ATRNL1: variants seen among roughly 807,000 people sequenced by gnomAD.
The protein encoded by ATRNL1 is attractin-like protein 1.
In ATRNL1, 95 loss-of-function variants were observed where a neutral mutation model predicts 182.7. That is an observed-to-expected ratio of 0.52 (90% CI 0.44 to 0.62). The LOEUF (loss-of-function observed/expected upper bound fraction) is 0.62, where lower values mean the gene tolerates loss of function less well. Among genes scored for constraint, ATRNL1 ranks in the 20% least tolerant of loss-of-function variants. The probability of loss-of-function intolerance (pLI) is 0.00; values close to 1 mark genes in which losing one functional copy is unlikely to be tolerated. For missense variants in ATRNL1, 1,471 were observed against 1,679.5 expected (o/e 0.88, Z 2.17); for synonymous variants, 576 against 568.3 (o/e 1.01, Z -0.19).
chr10:115,143,534 A>T (rs1671858433), intron 5 of ATRNL1, among the ~76,000 whole-genome samples: 1 of 152,160 alleles, frequency 6.6e-6, no homozygotes, highest in Admixed American at 6.5e-5. Flanking sequence ...TAGGTCGCTT[A>T]AACAATTGGC....
At chr10:115,531,033 G>C (rs1297885569) in intron 25 of ATRNL1, among the ~76,000 whole-genome samples, 2 of 152,046 alleles carry the variant, frequency 1.3e-5, no homozygotes, top group African/African-American at 4.8e-5. Flanking sequence ...GTCATTATTG[G>C]ACATTTGGGT....
chr10:115,460,055 T>A (rs1460399924), intron 21 of ATRNL1, among the ~76,000 whole-genome samples: 2 of 152,146 alleles, frequency 1.3e-5, no homozygotes, highest in Non-Finnish European at 2.9e-5. Context: ...AGCACTAAAT[T>A]CTGGGTTTCT....
intron 26 of ATRNL1, among the ~76,000 whole-genome samples, chr10:115,559,185 A>C (rs1264595247): frequency 2.0e-5 from 3 of 152,226 alleles, no homozygotes; most frequent in Admixed American, 6.5e-5. Flanking sequence ...CACTGTCCCC[A>C]TCATTAGCTC....
chr10:115,153,267 G>T (rs1420390273), intron 5 of ATRNL1, among the ~76,000 whole-genome samples: 1 of 152,066 alleles, frequency 6.6e-6, no homozygotes, highest in Non-Finnish European at 1.5e-5. Context: ...TTTTTCTATT[G>T]GTTGGAATAG....
chr10:115,442,408 C>A (rs1383685531), intron 21 of ATRNL1, among the ~76,000 whole-genome samples: 1 of 151,670 alleles, frequency 6.6e-6, no homozygotes, highest in Non-Finnish European at 1.5e-5. Context: ...TTTCATTTAT[C>A]ATTTCAGATG....
chr10:115,776,750 C>T (rs1949136953), intron 27 of ATRNL1, among the ~76,000 whole-genome samples: 1 of 152,102 alleles, frequency 6.6e-6, no homozygotes, highest in African/African-American at 2.4e-5. Flanking sequence ...GTTATCTTGG[C>T]AAAGATCTTG....
chr10:115,345,974 T>C (rs1855957283), intron 19 of ATRNL1, among the ~76,000 whole-genome samples: 1 of 152,224 alleles, frequency 6.6e-6, no homozygotes, highest in Non-Finnish European at 1.5e-5. Flanking sequence ...GATTTCCATT[T>C]CCTTAATGAT....
At chr10:115,410,024 CATTT>C (rs1432104141) in intron 20 of ATRNL1, among the ~76,000 whole-genome samples, 2 of 152,066 alleles carry the variant, frequency 1.3e-5, no homozygotes, top group African/African-American at 2.4e-5. Flanking sequence ...TGATGTGTCA[CATTT>C]ATTGATTTGC....
In ATRNL1 at chr10:115,367,685, A is replaced by G. The variant is rs372227873; in HGVS notation, c.3176-26974A>G. On this transcript the variant is annotated intron_variant, in intron 19 of 28. Transcript: ENST00000355044. Reference sequence around the variant, plus strand: ...TTGGTCGTCGATGATGGTGATGTACATATGGGTTTTTGGTGTGGATGTCCT... The same window carrying G: ...TTGGTCGTCGATGATGGTGATGTACGTATGGGTTTTTGGTGTGGATGTCCT... 9.5e-4 allele frequency among the ~76,000 whole-genome samples: 121 copies of G among 127,438 alleles called. 10 individuals are homozygous for G. In the South Asian group the frequency reaches 0.029, roughly 31 times the overall value. The allele number at this position is 127,438 out of a possible 152,430, so 83.6% of individuals were successfully genotyped here.
chr10:115,899,333 A>G (rs967306120), intron 28 of ATRNL1, among the ~76,000 whole-genome samples: 2 of 151,890 alleles, frequency 1.3e-5, no homozygotes, highest in African/African-American at 2.4e-5. Flanking sequence ...TTTGAGACGG[A>G]GTTTCGCTCT....
At chr10:115,789,194 G>A (rs963814525) in intron 27 of ATRNL1, among the ~76,000 whole-genome samples, 4 of 152,194 alleles carry the variant, frequency 2.6e-5, no homozygotes, top group Admixed American at 6.5e-5. Context: ...GCCCAATTAA[G>A]CCTCTGATTG....
chr10:115,521,907 T>C (rs1294378428), intron 25 of ATRNL1, among the ~76,000 whole-genome samples: 1 of 152,224 alleles, frequency 6.6e-6, no homozygotes, highest in African/African-American at 2.4e-5. Flanking sequence ...TAAAACAGGT[T>C]AACATTTATG....
At chr10:115,556,496 T>C (rs1853320913) in intron 26 of ATRNL1, among the ~76,000 whole-genome samples, 1 of 152,178 alleles carries the variant, frequency 6.6e-6, no homozygotes, top group African/African-American at 2.4e-5. Context: ...CAATGAAAAC[T>C]ACATCACAAC....
Position 115,315,708 on chromosome 10 carries a change from C to G in ATRNL1, c.3009C>G (p.Asn1003Lys). 1 of 1,613,372 alleles carries G rather than the reference C, an allele frequency of 6.2e-7. No homozygotes were observed. The highest frequency in any genetic ancestry group is 8.5e-7 in the Non-Finnish European group (1 of 1,179,768). The stretch of plus-strand genomic sequence containing the variant: ...CCAATCTTTGCCCCAAAGAAAAGAA[C>G]TATGAGTGGTCCTTTATCCAGTGTC... Reference protein sequence around the residue: ...LDTNLCPKEKNYEWSFIQCPA... With the variant: ...LDTNLCPKEKKYEWSFIQCPA... Residue 1003 changes from asparagine (N) to lysine (K), a missense_variant, in exon 18 of 29, where the codon AAC (asparagine) becomes AAG (lysine). Asn to Lys is a moderately conservative substitution (Grantham distance 94). Transcript: ENST00000355044.
chr10:115,174,501 A>G (rs1847419070), intron 8 of ATRNL1, among the ~76,000 whole-genome samples: 1 of 151,822 alleles, frequency 6.6e-6, no homozygotes, highest in Non-Finnish European at 1.5e-5. Context: ...AAACACAATG[A>G]TAATTATATC....
At chr10:115,456,335 G>A (rs1847522169) in intron 21 of ATRNL1, among the ~76,000 whole-genome samples, 1 of 152,106 alleles carries the variant, frequency 6.6e-6, no homozygotes, top group Non-Finnish European at 1.5e-5. Flanking sequence ...CCCTTTGCAG[G>A]TACATGGATG....
intron 26 of ATRNL1, among the ~76,000 whole-genome samples, chr10:115,639,176 C>T (rs145793957): frequency 1.1e-3 from 172 of 152,234 alleles, no homozygotes; most frequent in Non-Finnish European, 1.1e-3. Context: ...TACATATTGA[C>T]ACCAATTTGA....
At chr10:115,494,296 T>G (rs1554977510) in intron 24 of ATRNL1, among the ~76,000 whole-genome samples, 2 of 152,170 alleles carry the variant, frequency 1.3e-5, no homozygotes, top group East Asian at 3.9e-4. Context: ...ATAGTTTGAC[T>G]TCCTCTCATC....
Position 115,947,663 on chromosome 10 carries a change from G to A in ATRNL1, c.*2884G>A, listed in dbSNP as rs1953905453. 6.6e-6 allele frequency: 1 copy of A among 152,524 alleles called. No individual in the cohort carries two copies. Among genetic ancestry groups the A allele is most frequent in the Non-Finnish European group, 1.5e-5 (1 of 68,036 alleles). 9.4% of individuals were successfully genotyped at this position (152,524 alleles called of 1,614,324 possible). Reference sequence around the variant, plus strand: ...ACTTCAAATAGTTCGTATTTAAAAAGGTAATTGATCCTTGCTGTACTTCCC... The same window carrying A: ...ACTTCAAATAGTTCGTATTTAAAAAAGTAATTGATCCTTGCTGTACTTCCC... On this transcript the variant is annotated 3_prime_UTR_variant, in exon 29 of 29. Coordinates refer to ENST00000355044, the MANE Select transcript of ATRNL1 (RefSeq NM_207303.4).
Sources: allele counts gnomAD v4.1 joint callset (sites outside exome capture counted in the v4.1 genomes callset), GRCh38; gene constraint gnomAD v4.1.1; transcripts MANE v1.5; gene names NCBI Gene and HGNC (gene_info 2026-07-23, HGNC 2026-07-21).